The following CDH4 variants were observed in gnomAD, a reference collection of about 807,000 sequenced individuals.
The protein encoded by CDH4 is cadherin-4.
CDH4 carries 33 observed loss-of-function variants against 86.0 expected under a neutral mutation model. The observed-to-expected ratio is 0.38, with a 90% CI of 0.29 to 0.51. The LOEUF (loss-of-function observed/expected upper bound fraction) is 0.51. CDH4 is among the 20% of genes least tolerant of loss of function. The pLI, the probability that CDH4 is intolerant of heterozygous loss-of-function variation, is 0.86. For missense variants in CDH4, 1,114 were observed against 1,307.4 expected, an observed-to-expected ratio of 0.85 and a Z score of 2.28; for synonymous variants, 555 against 549.4, an observed-to-expected ratio of 1.01 and a Z score of -0.14.
At chr20:61,497,293 CT>C (rs1181183538) in intron 2 of CDH4, among the ~76,000 whole-genome samples, 1 of 152,114 alleles carries the variant, frequency 6.6e-6, no homozygotes, top group African/African-American at 2.4e-5. Context: ...TGTGATGTCT[CT>C]TTTCCTGCTT....
Position 61,785,701 on chromosome 20 carries a change from C to A in CDH4, c.576+12519C>A, listed in dbSNP as rs140237981. Among the ~76,000 whole-genome samples the A allele has an allele frequency of 8.1e-3, 1,235 of 152,270 alleles. 19 individuals carry two copies. Among genetic ancestry groups the A allele is most frequent in the African/African-American group, 0.028 (1,157 of 41,542 alleles). On this transcript the variant is annotated intron_variant, in intron 4 of 15. Coordinates refer to ENST00000614565, the MANE Select transcript of CDH4 (RefSeq NM_001794.5). ...GGGCTCCTACCCAGGTGTGTAGAGA[C>A]CTTGCCCAGGTGGACAGGGCCCTCT...
In CDH4 at chr20:61,319,541, A is replaced by G. The variant is rs183907295; in HGVS notation, c.169+64604A>G. ...AGATCTGATTTCAGTTCTTTTGGAT[A>G]AATACCCAGAAGTGGGATTGCTGGA... is the stretch of plus-strand genomic sequence containing the variant. On this transcript the variant is annotated intron_variant, in intron 2 of 15. Coordinates refer to ENST00000614565, the MANE Select transcript of CDH4 (RefSeq NM_001794.5). Among the ~76,000 whole-genome samples the G allele has an allele frequency of 5.1e-4, 77 of 152,282 alleles. 1 individual carries two copies. The East Asian group carries it at 0.011, about 21-fold the overall frequency.
rs147467462 is a variant in CDH4 at position 61,910,525 on chromosome 20, G to A, written c.1292G>A (p.Arg431His). The change falls in exon 9 of 16, where the codon CGC (arginine) becomes CAC (histidine). Residue 431 changes from arginine (R) to histidine (H), a missense_variant. This residue lies in a region of CDH4 where 705 missense variants were observed against 914.1 expected (regional missense o/e 0.77). Coordinates refer to ENST00000614565, the MANE Select transcript of CDH4 (RefSeq NM_001794.5). ...TCTCCAAACTGGAATGCCGTTTACC[G>A]CATCATCAGTGGGGATCCATCCGGG... ...PHSPNWNAVY[R>H]IISGDPSGHF... is the part of the protein sequence containing the mutation. 125 of 1,613,934 alleles carry A rather than the reference G, an allele frequency of 7.7e-5. No homozygotes were observed. The African/African-American group carries it at 1.1e-3, about 14-fold the overall frequency.
intron 2 of CDH4, among the ~76,000 whole-genome samples, chr20:61,396,444 C>T (rs1407098972): frequency 1.3e-5 from 2 of 152,186 alleles, no homozygotes; most frequent in Admixed American, 6.5e-5. Context: ...ATGCTGGCAG[C>T]GTCCGGTGTT....
rs144307913 is a variant in CDH4, at chr20:61,867,136, C to T, written c.878-6592C>T. Among the ~76,000 whole-genome samples, 1,222 of 152,362 alleles carry T rather than the reference C, an allele frequency of 8.0e-3. 14 individuals are homozygous for T. The highest frequency in any genetic ancestry group is 0.028 in the African/African-American group (1,158 of 41,600). On this transcript the variant is annotated intron_variant, in intron 6 of 15. Coordinates refer to ENST00000614565, the MANE Select transcript of CDH4 (RefSeq NM_001794.5). ...CTGTTTCCAGAACACTCGCTCTGGG[C>T]GCATGCATGTTTGACTCTGAGCCTG...
At chr20:61,565,297 G>GAT (rs2086278873) in intron 2 of CDH4, among the ~76,000 whole-genome samples, 2 of 58,166 alleles carry the variant, frequency 3.4e-5, no homozygotes, top group African/African-American at 9.4e-5. Context: ...TGATGGTGGT[G>GAT]GCGGTGCTCT....
chr20:61,297,753 T>C (rs1021695063), intron 2 of CDH4, among the ~76,000 whole-genome samples: 2 of 152,268 alleles, frequency 1.3e-5, no homozygotes, highest in African/African-American at 4.8e-5. Flanking sequence ...ATAGAGACAT[T>C]AGCGCGTGTC....
At chr20:61,533,032 G>A (rs1014893584) in intron 2 of CDH4, among the ~76,000 whole-genome samples, 6 of 152,158 alleles carry the variant, frequency 3.9e-5, no homozygotes, top group Non-Finnish European at 7.3e-5. Context: ...CTTCTGCAGG[G>A]AATGCCAGCT....
At chr20:61,436,532 G>C (rs6089312) in intron 2 of CDH4, 11,640 of 152,330 alleles carry the variant, frequency 0.076, 750 homozygotes, top group African/African-American at 0.17. Context: ...GTGAGGTCTG[G>C]GAGGGGCAGA....
intron 2 of CDH4, among the ~76,000 whole-genome samples, chr20:61,505,793 G>C (rs564259916): frequency 6.6e-6 from 1 of 151,656 alleles, no homozygotes; most frequent in Admixed American, 6.6e-5. Context: ...TGTTTTTAGG[G>C]AAATTCAGTC....
At chr20:61,337,973 T>G (rs1251687687) in intron 2 of CDH4, among the ~76,000 whole-genome samples, 1 of 152,168 alleles carries the variant, frequency 6.6e-6, no homozygotes, top group South Asian at 2.1e-4. Context: ...TACAGTTTTC[T>G]TATTAACTGG....
intron 2 of CDH4, among the ~76,000 whole-genome samples, chr20:61,563,817 A>T (rs1473102022): frequency 6.6e-6 from 1 of 152,128 alleles, no homozygotes; most frequent in Middle Eastern, 3.2e-3. Flanking sequence ...AGGGTGCGTT[A>T]TATTCTGACT....
chr20:61,755,518 C>T (rs2088553912), intron 3 of CDH4, among the ~76,000 whole-genome samples: 1 of 148,608 alleles, frequency 6.7e-6, no homozygotes, highest in Admixed American at 6.7e-5. Flanking sequence ...ATGCCCCATA[C>T]ACACCACACA....
At chr20:61,458,845 A>C (rs990763049) in intron 2 of CDH4, among the ~76,000 whole-genome samples, 1 of 152,016 alleles carries the variant, frequency 6.6e-6, no homozygotes, top group African/African-American at 2.4e-5. Context: ...ACGATCCCTC[A>C]GTCCTGCTCT....
intron 7 of CDH4, among the ~76,000 whole-genome samples, chr20:61,883,979 A>G (rs1433508814): frequency 6.6e-6 from 1 of 152,134 alleles, no homozygotes; most frequent in Non-Finnish European, 1.5e-5. Flanking sequence ...TTTAGGAAGC[A>G]GAGACTTTCT....
In CDH4 at chr20:61,676,936, A is replaced by T. The variant is rs1478603884; in HGVS notation, c.170-66627A>T. Among the ~76,000 whole-genome samples the T allele has an allele frequency of 3.3e-5, 5 of 152,110 alleles. No individual in the cohort carries two copies. The highest frequency in any genetic ancestry group is 3.3e-4 in the Admixed American group (5 of 15,278). ...GGGGTGAGGTGGTGGGCCAGGCTGC[A>T]GTGGGACCAGCGGTCCAAGACCTTG... On this transcript the variant is annotated intron_variant, in intron 2 of 15. Transcript: ENST00000614565. The surrounding 1 kb of genome is among the most constrained non-coding windows in gnomAD (Gnocchi z 4.5).
rs569188186 is a variant in CDH4, at chr20:61,332,842, T to C, written c.169+77905T>C. Among the ~76,000 whole-genome samples the C allele has an allele frequency of 2.6e-3, 398 of 152,350 alleles. 2 individuals carry two copies. The highest frequency in any genetic ancestry group is 4.9e-3 in the Non-Finnish European group (331 of 68,040). ...GGCCTCACCCTGTGTTTTCTGATGG[T>C]CCAGGCTATTTCGGGAGAAGGCTGT... is the stretch of plus-strand genomic sequence containing the variant. On this transcript the variant is annotated intron_variant, in intron 2 of 15. Transcript: ENST00000614565.
rs1435668421 is a variant in CDH4 at position 61,510,695 on chromosome 20, G to A, written c.170-232868G>A. Reference sequence around the variant, plus strand: ...TTGGGGGATTATGAGGCGGGAAGGTGTGCCCTCCATTATATAGAGGAGGCA... The same window carrying A: ...TTGGGGGATTATGAGGCGGGAAGGTATGCCCTCCATTATATAGAGGAGGCA... On this transcript the variant is annotated intron_variant, in intron 2 of 15. Coordinates refer to ENST00000614565, the MANE Select transcript of CDH4 (RefSeq NM_001794.5). The surrounding 1 kb of genome is among the most constrained non-coding windows in gnomAD (Gnocchi z 4.2). Among the ~76,000 whole-genome samples the A allele has an allele frequency of 6.6e-6, 1 of 152,134 alleles. No individual in the cohort carries two copies. Among genetic ancestry groups the A allele is most frequent in the Non-Finnish European group, 1.5e-5 (1 of 68,030 alleles).
chr20:61,767,176 C>T (rs545863822), intron 3 of CDH4, among the ~76,000 whole-genome samples: 21 of 152,232 alleles, frequency 1.4e-4, no homozygotes, highest in African/African-American at 4.1e-4. Context: ...CATGGCTGCA[C>T]CCCGCCCCCA....
Sources: allele counts gnomAD v4.1 joint callset (sites outside exome capture counted in the v4.1 genomes callset), GRCh38; gene constraint gnomAD v4.1.1; regional missense constraint gnomAD v4.1.1; non-coding constraint Gnocchi (gnomAD v3.1); transcripts MANE v1.5; gene names NCBI Gene and HGNC (gene_info 2026-07-23, HGNC 2026-07-21).